REEP5: variants seen among roughly 807,000 people sequenced by gnomAD.
REEP5 encodes receptor expression-enhancing protein 5.
REEP5 carries 24 observed loss-of-function variants against 22.4 expected under a neutral mutation model. The ratio of observed to expected loss-of-function variants is 1.07; its 90% CI spans 0.78 to 1.51. REEP5 has a LOEUF of 1.51. Ranked by LOEUF, REEP5 falls within the 40% of genes most tolerant of loss-of-function variation. The pLI, the probability that REEP5 is intolerant of heterozygous loss-of-function variation, is 0.00. For missense variants in REEP5, 252 were observed against 233.0 expected, an observed-to-expected ratio of 1.08 and a Z score of -0.53; for synonymous variants, 103 against 88.6, an observed-to-expected ratio of 1.16 and a Z score of -0.92.
Position 112,914,209 on chromosome 5 carries a change from G to A in REEP5, c.212+6954C>T, listed in dbSNP as rs535770693. Among the ~76,000 whole-genome samples, 18 of 151,392 alleles carry A rather than the reference G, an allele frequency of 1.2e-4. 1 individual carries two copies. In the Middle Eastern group the frequency reaches 0.014, roughly 116 times the overall value. On this transcript the variant is annotated intron_variant, in intron 2 of 4. Coordinates refer to ENST00000379638, the MANE Select transcript of REEP5 (RefSeq NM_005669.5). Reference sequence around the variant, plus strand: ...GCAATCTCGGCTCATTGCAACCTGTGCCTCCTGGGTTCAAGCAATTCTCCT... The same window carrying A: ...GCAATCTCGGCTCATTGCAACCTGTACCTCCTGGGTTCAAGCAATTCTCCT...
rs532350113 is a variant in REEP5, at chr5:112,892,418, A to G, written c.352-5235T>C. The G allele has an allele frequency of 1.2e-5, 19 of 1,614,122 alleles. No individual in the cohort carries two copies. In the Admixed American group the frequency reaches 3.2e-4, roughly 27 times the overall value. ...TTCAAGAACGTGGGGAAAGTGATTC[A>G]GTTCAAGGTCAGCTGCAATTTGGAA... On this transcript the variant is annotated intron_variant, in intron 3 of 4. Coordinates refer to ENST00000379638, the MANE Select transcript of REEP5 (RefSeq NM_005669.5).
chr5:112,879,378 C>CTA lies in REEP5; in HGVS notation c.521-545_521-544dup, dbSNP rs1767999997. Among the ~76,000 whole-genome samples the CTA allele has an allele frequency of 2.0e-5, 3 of 151,962 alleles. No individual in the cohort carries two copies. In the South Asian group the frequency reaches 6.3e-4, roughly 32 times the overall value. ...GGAGAGGAGATTAGTTCCAGGAACC[C>CTA]TACAGATACCAAAATCTGTGAGTGC... On this transcript the variant is annotated intron_variant, in intron 4 of 4. Transcript: ENST00000379638.
Position 112,892,787 on chromosome 5 carries a change from G to A in REEP5, c.352-5604C>T, listed in dbSNP as rs773520174. 23 of 1,613,830 alleles carry A rather than the reference G, an allele frequency of 1.4e-5. No homozygotes were observed. The East Asian group carries it at 2.9e-4, about 20-fold the overall frequency. On this transcript the variant is annotated intron_variant, in intron 3 of 4. Transcript: ENST00000379638. ...CACGACCACTACTACAGCAGGCAGC[G>A]GGGAAGGAGAAACCCTAGTCCAGAC...
intron 3 of REEP5, 83 bp downstream of exon 3, chr5:112,902,297 G>A (rs1768869973): frequency 1.5e-6 from 2 of 1,344,984 alleles, no homozygotes; most frequent in Non-Finnish European, 2.0e-6. Context: ...CAGAGCCACA[G>A]ATGCACAACA....
intron 4 of REEP5, among the ~76,000 whole-genome samples, chr5:112,882,231 A>G (rs993414029): frequency 6.6e-6 from 1 of 152,068 alleles, no homozygotes. Flanking sequence ...CCAATACTGC[A>G]GTCCCTCCAT....
At chr5:112,919,679 G>C (rs776007921) in intron 2 of REEP5, among the ~76,000 whole-genome samples, 3 of 152,324 alleles carry the variant, frequency 2.0e-5, no homozygotes, top group Non-Finnish European at 2.9e-5. Flanking sequence ...GAAGCAGTGA[G>C]AAGATGCCAT....
At chr5:112,886,654 T>C (rs1768257133) in intron 4 of REEP5, among the ~76,000 whole-genome samples, 1 of 152,228 alleles carries the variant, frequency 6.6e-6, no homozygotes, top group East Asian at 1.9e-4. Context: ...GCTTTCTCCA[T>C]TTATTTAAAA....
At chr5:112,910,001 A>G (rs1390102412) in intron 2 of REEP5, among the ~76,000 whole-genome samples, 2 of 152,146 alleles carry the variant, frequency 1.3e-5, no homozygotes, top group African/African-American at 2.4e-5. Flanking sequence ...ATGTTCACCA[A>G]TTATAAAAAA....
intron 4 of REEP5, among the ~76,000 whole-genome samples, chr5:112,885,980 TAC>T (rs1288906866): frequency 2.0e-5 from 3 of 152,246 alleles, no homozygotes; most frequent in Admixed American, 2.0e-4. Context: ...ACTGGATGTT[TAC>T]AGTGACTGTG....
chr5:112,911,626 A>G (rs1769105896), intron 2 of REEP5, among the ~76,000 whole-genome samples: 1 of 152,172 alleles, frequency 6.6e-6, no homozygotes, highest in South Asian at 2.1e-4. Context: ...ATGCTTTTTT[A>G]TATGTGAACT....
intron 2 of REEP5, among the ~76,000 whole-genome samples, chr5:112,904,759 T>G (rs1183883773): frequency 6.6e-6 from 1 of 152,238 alleles, no homozygotes; most frequent in Non-Finnish European, 1.5e-5. Context: ...TATTTCATTA[T>G]TTTTTAAATG....
Position 112,898,586 on chromosome 5 carries a change from G to C in REEP5, c.351+3794C>G, listed in dbSNP as rs575946610. Among the ~76,000 whole-genome samples, 4 of 152,266 alleles carry C rather than the reference G, an allele frequency of 2.6e-5. No individual in the cohort carries two copies. In the South Asian group the frequency reaches 8.3e-4, roughly 32 times the overall value. On this transcript the variant is annotated intron_variant, in intron 3 of 4. Transcript: ENST00000379638. Reference sequence around the variant, plus strand: ...CTAGAAGTCAAGCTTGCTCACATTTGGAAGTCTGAGGTCAGAACTACTGCA... The same window carrying C: ...CTAGAAGTCAAGCTTGCTCACATTTCGAAGTCTGAGGTCAGAACTACTGCA...
At chr5:112,884,516 C>T (rs1400753556) in intron 4 of REEP5, among the ~76,000 whole-genome samples, 3 of 151,790 alleles carry the variant, frequency 2.0e-5, no homozygotes, top group African/African-American at 7.3e-5. Flanking sequence ...TAGCTGGCAC[C>T]ACAGGCTTGC....
At chr5:112,905,661 C>A (rs1183979083) in intron 2 of REEP5, among the ~76,000 whole-genome samples, 2 of 150,916 alleles carry the variant, frequency 1.3e-5, no homozygotes, top group Non-Finnish European at 2.9e-5. Flanking sequence ...TGCTCTGTCA[C>A]CCAGGCTGGA....
chr5:112,910,066 G>A (rs1561658424), intron 2 of REEP5, among the ~76,000 whole-genome samples: 2 of 152,216 alleles, frequency 1.3e-5, no homozygotes, highest in Non-Finnish European at 2.9e-5. Flanking sequence ...ATTTTGGGAG[G>A]CCAAGGAGGG....
chr5:112,917,620 G>A (rs1769260186), intron 2 of REEP5, among the ~76,000 whole-genome samples: 1 of 152,278 alleles, frequency 6.6e-6, no homozygotes, highest in African/African-American at 2.4e-5. Flanking sequence ...CTAGGGCCCT[G>A]GCTCACTAGC....
In REEP5 at chr5:112,878,544, C is replaced by A; in HGVS notation, c.*242G>T. 1 of 502,218 alleles carries A rather than the reference C, an allele frequency of 2.0e-6. No individual in the cohort carries two copies. The highest frequency in any genetic ancestry group is 3.5e-6 in the Non-Finnish European group (1 of 289,074). 31.1% of individuals were successfully genotyped at this position (502,218 alleles called of 1,614,324 possible). A position where few individuals can be genotyped will look rare whatever the true frequency, so the allele number is the denominator to read the frequency against. On this transcript the variant is annotated 3_prime_UTR_variant, in exon 5 of 5. Coordinates refer to ENST00000379638, the MANE Select transcript of REEP5 (RefSeq NM_005669.5). ...GGATAGCAACATACATCTTTTCCTACCCAGAGGCAAAATACATTTTCCAAA... is the reference window on the plus strand; with the variant it reads ...GGATAGCAACATACATCTTTTCCTAACCAGAGGCAAAATACATTTTCCAAA...
chr5:112,889,083 C>A (rs1768350955), intron 3 of REEP5, among the ~76,000 whole-genome samples: 1 of 150,838 alleles, frequency 6.6e-6, no homozygotes, highest in Non-Finnish European at 1.5e-5. Context: ...CATCTTCCAC[C>A]ATGATTGTGA....
At chr5:112,913,369 A>G (rs1262562683) in intron 2 of REEP5, among the ~76,000 whole-genome samples, 2 of 104,054 alleles carry the variant, frequency 1.9e-5, no homozygotes, top group Admixed American at 1.7e-4. Flanking sequence ...AAGGAAAGAA[A>G]GAAGAAAGAA....
Sources: gnomAD v4.1 joint callset for allele counts (sites outside exome capture counted in the v4.1 genomes callset) on GRCh38, gnomAD v4.1.1 for gene constraint, MANE v1.5 for transcripts, NCBI Gene and HGNC (gene_info 2026-07-23, HGNC 2026-07-21) for gene names.